GPR15LG: variants seen among roughly 807,000 people sequenced by gnomAD.
GPR15LG encodes protein GPR15LG.
chr10:84,182,165 G>A, the GPR15LG span, among the ~76,000 whole-genome samples: 1 of 152,214 alleles, frequency 6.6e-6, no homozygotes, highest in African/African-American at 2.4e-5. Flanking sequence ...TTGAGGATAT[G>A]AGGTTTTCAG....
the GPR15LG span, among the ~76,000 whole-genome samples, chr10:84,184,197 A>G: frequency 6.6e-6 from 1 of 151,924 alleles, no homozygotes; most frequent in Non-Finnish European, 1.5e-5. Context: ...AGTTTAATGC[A>G]TGCAGCTTTT....
the GPR15LG span, among the ~76,000 whole-genome samples, chr10:84,178,043 A>G: frequency 1.3e-5 from 2 of 151,892 alleles, no homozygotes; most frequent in African/African-American, 4.8e-5. Context: ...GCGCACACAG[A>G]CTCACACCAC....
the GPR15LG span, among the ~76,000 whole-genome samples, chr10:84,180,942 C>T: frequency 1.3e-5 from 2 of 152,202 alleles, no homozygotes; most frequent in African/African-American, 4.8e-5. Context: ...GAAAACCAGT[C>T]AGGTGTGGCA....
chr10:84,176,682 G>A, the GPR15LG span: 1 of 693,320 alleles, frequency 1.4e-6, no homozygotes, highest in Non-Finnish European at 2.5e-6. Flanking sequence ...CTCTGGCTGG[G>A]AGGACATCTT....
chr10:84,179,575 G>A, the GPR15LG span, among the ~76,000 whole-genome samples: 1 of 152,338 alleles, frequency 6.6e-6, no homozygotes, highest in East Asian at 1.9e-4. Context: ...GTTCACTGAT[G>A]TATGACAAAG....
chr10:84,182,218 C>A, the GPR15LG span, among the ~76,000 whole-genome samples: 2 of 152,182 alleles, frequency 1.3e-5, no homozygotes, highest in African/African-American at 2.4e-5. Context: ...AGAAAATAGA[C>A]CCTGGAAAGG....
the GPR15LG span, chr10:84,173,913 C>T: frequency 1.2e-6 from 2 of 1,612,110 alleles, no homozygotes; most frequent in Non-Finnish European, 1.7e-6. Flanking sequence ...TCCATCTTCT[C>T]CACAGAAGGT....
At chr10:84,178,284 A>G in the GPR15LG span, among the ~76,000 whole-genome samples, 1 of 151,862 alleles carries the variant, frequency 6.6e-6, no homozygotes, top group South Asian at 2.1e-4. Flanking sequence ...ACAAACAGAC[A>G]CACACTATAC....
chr10:84,177,426 A>C, the GPR15LG span, among the ~76,000 whole-genome samples: 1 of 152,170 alleles, frequency 6.6e-6, no homozygotes, highest in Non-Finnish European at 1.5e-5. Context: ...CTCCTGCCTG[A>C]ACTCTGCAGC....
chr10:84,179,601 G>A, the GPR15LG span, among the ~76,000 whole-genome samples: 1 of 152,226 alleles, frequency 6.6e-6, no homozygotes, highest in Admixed American at 6.5e-5. Context: ...GCATCTGTCT[G>A]TAGAAATGCA....
the GPR15LG span, among the ~76,000 whole-genome samples, chr10:84,174,494 CTTT>C: frequency 1.0e-5 from 1 of 98,728 alleles, no homozygotes; most frequent in African/African-American, 3.8e-5. Context: ...TTTCTTTTTT[CTTT>C]TTTTTTTTTT....
chr10:84,176,552 A>C, the GPR15LG span: 1 of 1,613,658 alleles, frequency 6.2e-7, no homozygotes, highest in South Asian at 1.1e-5. Context: ...CCTAGCCCCA[A>C]CTCAACAAAC....
the GPR15LG span, among the ~76,000 whole-genome samples, chr10:84,178,031 A>G: frequency 6.6e-6 from 1 of 151,840 alleles, no homozygotes; most frequent in African/African-American, 2.4e-5. Flanking sequence ...ACACAAATAC[A>G]TGCGCACACA....
chr10:84,176,887 G>T, the GPR15LG span, among the ~76,000 whole-genome samples: 2 of 152,188 alleles, frequency 1.3e-5, no homozygotes, highest in African/African-American at 4.8e-5. Flanking sequence ...CAGGAGCCTG[G>T]CTGAGGACTG....
the GPR15LG span, among the ~76,000 whole-genome samples, chr10:84,184,277 C>T: frequency 6.6e-6 from 1 of 152,174 alleles, no homozygotes; most frequent in African/African-American, 2.4e-5. Flanking sequence ...AGTTTTGGGA[C>T]ACGTTGCCTG....
At chr10:84,175,501 A>C in the GPR15LG span, among the ~76,000 whole-genome samples, 3 of 152,252 alleles carry the variant, frequency 2.0e-5, no homozygotes, top group African/African-American at 7.2e-5. Context: ...GATAGTTCAC[A>C]ATTGTGTGCT....
the GPR15LG span, among the ~76,000 whole-genome samples, chr10:84,180,975 A>C: frequency 1.7e-4 from 26 of 152,248 alleles, no homozygotes; most frequent in Admixed American, 1.7e-3. Flanking sequence ...AATCCCAGGC[A>C]CTTGGCAGGC....
chr10:84,175,034 A>G, the GPR15LG span, among the ~76,000 whole-genome samples: 1 of 152,198 alleles, frequency 6.6e-6, no homozygotes, highest in Non-Finnish European at 1.5e-5. Context: ...TAATTGATGT[A>G]CCTATATGTT....
chr10:84,181,706 G>A, the GPR15LG span, among the ~76,000 whole-genome samples: 17 of 152,340 alleles, frequency 1.1e-4, no homozygotes, highest in Admixed American at 1.0e-3. Context: ...TGGGATTACA[G>A]GCGTGAGCCA....
Sources: allele counts gnomAD v4.1 joint callset (sites outside exome capture counted in the v4.1 genomes callset), GRCh38; gene constraint gnomAD v4.1.1; transcripts MANE v1.5; gene names NCBI Gene and HGNC (gene_info 2026-07-23, HGNC 2026-07-21).